The following PTGER3 variants were observed in gnomAD, a reference collection of about 807,000 sequenced individuals.
PTGER3 encodes the protein prostaglandin E2 receptor EP3 subtype.
In PTGER3, 22 loss-of-function variants were observed where a neutral mutation model predicts 34.7. That is an observed-to-expected ratio of 0.63 (90% CI 0.45 to 0.91). PTGER3 has a LOEUF of 0.91. Among genes scored for constraint, PTGER3 ranks in the 40% least tolerant of loss-of-function variants. PTGER3 has a pLI of 0.00. For synonymous variants in PTGER3, 241 were observed against 230.1 expected, an observed-to-expected ratio of 1.05 and a Z score of -0.43; for missense variants, 468 against 519.4, an observed-to-expected ratio of 0.90 and a Z score of 0.96.
chr1:71,030,198 C>A (rs1317266261), intron 1 of PTGER3, among the ~76,000 whole-genome samples: 1 of 152,042 alleles, frequency 6.6e-6, no homozygotes, highest in Non-Finnish European at 1.5e-5. Flanking sequence ...GAGGATTAAA[C>A]TAAGGAATCT....
At chr1:70,897,698 A>C (rs1646750611) in intron 4 of PTGER3, among the ~76,000 whole-genome samples, 1 of 152,210 alleles carries the variant, frequency 6.6e-6, no homozygotes, top group African/African-American at 2.4e-5. Context: ...AAACCTGGTT[A>C]AAAGCTCACC....
chr1:71,003,882 G>A (rs11802573), intron 2 of PTGER3, among the ~76,000 whole-genome samples: 15 of 152,148 alleles, frequency 9.9e-5, no homozygotes, highest in African/African-American at 3.4e-4. Flanking sequence ...ATGCCGAAGA[G>A]GTCTATAGAT....
intron 1 of PTGER3, among the ~76,000 whole-genome samples, chr1:71,029,959 T>TAATAATAAC (rs1020386414): frequency 5.3e-5 from 7 of 131,372 alleles, no homozygotes; most frequent in East Asian, 2.2e-4. Context: ...ATAATAATAA[T>TAATAATAAC]AACAAAATAA....
intron 2 of PTGER3, chr1:71,005,937 G>A (rs773629670): frequency 2.4e-5 from 16 of 655,034 alleles, no homozygotes; most frequent in Non-Finnish European, 2.8e-5. Context: ...GCGATGTTTC[G>A]ATACATATAA....
At chr1:71,040,449 A>AT (rs1660216940) in intron 1 of PTGER3, among the ~76,000 whole-genome samples, 1 of 151,954 alleles carries the variant, frequency 6.6e-6, no homozygotes, top group African/African-American at 2.4e-5. Context: ...TAAAAAAAAA[A>AT]TACAAAAATT....
At chr1:70,962,529 G>A (rs916189677) in intron 2 of PTGER3, among the ~76,000 whole-genome samples, 1 of 152,138 alleles carries the variant, frequency 6.6e-6, no homozygotes, top group African/African-American at 2.4e-5. Context: ...TATGTCTGGG[G>A]AAGCCTCACA....
chr1:71,010,801 A>G, intron 2 of PTGER3: 1 of 985,164 alleles, frequency 1.0e-6, no homozygotes, highest in Non-Finnish European at 1.2e-6. Flanking sequence ...ATGGTCATTT[A>G]AAATAATTAG....
At position 70,922,679 on chromosome 1, in the gene PTGER3, T is replaced by TA. The variant is rs1293889811; in HGVS notation, c.*23+31083dup. On this transcript the variant is annotated intron_variant, in intron 4 of 4. Transcript: ENST00000370931. ...CACCATAACATGTATCTGAGACTAC[T>TA]AAAAAAAAACCAGTTCTATACACAA... 1.6e-3 allele frequency among the ~76,000 whole-genome samples: 238 copies of TA among 151,378 alleles called. 3 individuals are homozygous for TA. The highest frequency in any genetic ancestry group is 2.1e-3 in the East Asian group (11 of 5,164).
intron 4 of PTGER3, among the ~76,000 whole-genome samples, chr1:70,891,664 G>A (rs1646620672): frequency 6.6e-6 from 1 of 152,194 alleles, no homozygotes; most frequent in Admixed American, 6.5e-5. Flanking sequence ...TCCAGGGCAG[G>A]AGCTGTGTTC....
chr1:70,939,081 G>A (rs1649514461), intron 4 of PTGER3, among the ~76,000 whole-genome samples: 1 of 152,112 alleles, frequency 6.6e-6, no homozygotes, highest in Admixed American at 6.5e-5. Context: ...ATACAATAGG[G>A]GTACAAGTAT....
At chr1:71,024,113 T>C (rs1658670085) in intron 1 of PTGER3, among the ~76,000 whole-genome samples, 1 of 152,200 alleles carries the variant, frequency 6.6e-6, no homozygotes, top group Non-Finnish European at 1.5e-5. Flanking sequence ...TTGTGTTCTC[T>C]AGCCTAAGTT....
chr1:70,852,691 C>T (rs571092070), exon 5 of PTGER3: 88 of 931,256 alleles, frequency 9.4e-5, no homozygotes, highest in Non-Finnish European at 1.3e-4. Flanking sequence ...ATAACAGCTT[C>T]TGGATAACAG....
chr1:70,952,743 T>C, exon 4 of PTGER3: 1 of 1,279,898 alleles, frequency 7.8e-7, no homozygotes, highest in African/African-American at 1.5e-5. Context: ...GCTAAAAATA[T>C]GCCCATGTTT....
At chr1:70,991,000 T>A (rs1477079362) in intron 2 of PTGER3, among the ~76,000 whole-genome samples, 2 of 152,182 alleles carry the variant, frequency 1.3e-5, no homozygotes, top group African/African-American at 4.8e-5. Context: ...CTTCTGAACG[T>A]CATTCACTTC....
Position 71,027,452 on chromosome 1 carries a change from T to C in PTGER3, c.898-14968A>G, listed in dbSNP as rs554156761. 2.9e-4 allele frequency among the ~76,000 whole-genome samples: 44 copies of C among 152,328 alleles called. No homozygotes were observed. The South Asian group carries it at 8.9e-3, about 31-fold the overall frequency. On this transcript the variant is annotated intron_variant, in intron 1 of 3. Coordinates refer to ENST00000306666, the MANE Select transcript of PTGER3 (RefSeq NM_198719.2). Reference sequence around the variant, plus strand: ...CACTGAAATTAAAAACAAAAGATTTTATGCAACCTCACCAAGGCGAAGTAG... The same window carrying C: ...CACTGAAATTAAAAACAAAAGATTTCATGCAACCTCACCAAGGCGAAGTAG...
intron 4 of PTGER3, among the ~76,000 whole-genome samples, chr1:70,905,405 G>T (rs1392800981): frequency 1.3e-5 from 2 of 152,088 alleles, no homozygotes; most frequent in African/African-American, 4.8e-5. Flanking sequence ...ACCTGGAAAA[G>T]CCTCAGACAC....
intron 4 of PTGER3, among the ~76,000 whole-genome samples, chr1:70,869,861 T>A (rs1557617096): frequency 6.6e-6 from 1 of 152,178 alleles, no homozygotes; most frequent in Non-Finnish European, 1.5e-5. Context: ...GAGTTGCATG[T>A]CTGTGGCTCT....
intron 2 of PTGER3, chr1:71,009,031 A>G: frequency 1.0e-6 from 1 of 984,896 alleles, no homozygotes; most frequent in Non-Finnish European, 1.2e-6. Context: ...ATCTCAACCA[A>G]AAGAACTATT....
At chr1:70,976,326 G>A (rs1653697137) in intron 2 of PTGER3, among the ~76,000 whole-genome samples, 1 of 152,014 alleles carries the variant, frequency 6.6e-6, no homozygotes, top group African/African-American at 2.4e-5. Context: ...GAACCCTAAT[G>A]TAAACTATGG....
Sources: allele counts gnomAD v4.1 joint callset (sites outside exome capture counted in the v4.1 genomes callset), GRCh38; gene constraint gnomAD v4.1.1; transcripts MANE v1.5; gene names NCBI Gene and HGNC (gene_info 2026-07-23, HGNC 2026-07-21).